ATP8B3: variants seen among roughly 807,000 people sequenced by gnomAD.
ATP8B3 encodes the protein phospholipid-transporting ATPase IK.
A neutral mutation model predicts 140.9 loss-of-function variants in ATP8B3; 141 were observed. The ratio of observed to expected loss-of-function variants is 1.00; its 90% CI spans 0.87 to 1.15. The LOEUF (loss-of-function observed/expected upper bound fraction) is 1.15. ATP8B3 is among the 50% of genes most tolerant of loss of function. The pLI is 0.00. For missense variants in ATP8B3, 1,874 were observed against 1,740.6 expected (o/e 1.08, Z -1.36); for synonymous variants, 765 against 714.6 (o/e 1.07, Z -1.13).
In ATP8B3 at chr19:1,807,632, C is replaced by T. The variant is rs1239417756; in HGVS notation, c.517-366G>A. ...ACCCTGCAGGTGTGAGCTCCACCAT[C>T]CCCTACCCTGGCACCCGGCCAGCGG... On this transcript the variant is annotated intron_variant, in intron 5 of 28. Coordinates refer to ENST00000310127, the MANE Select transcript of ATP8B3 (RefSeq NM_138813.4). This position sits in a 1 kb window ranked among gnomAD's most constrained non-coding sequence, Gnocchi z 5.9. Among the ~76,000 whole-genome samples the T allele has an allele frequency of 6.6e-6, 1 of 152,132 alleles. No homozygotes were observed. The highest frequency in any genetic ancestry group is 1.9e-4 in the East Asian group (1 of 5,200).
In ATP8B3 at chr19:1,800,343, C is replaced by T. The variant is rs765564243; in HGVS notation, c.1259G>A (p.Ser420Asn). The T allele has an allele frequency of 3.7e-5, 60 of 1,612,804 alleles. No individual in the cohort carries two copies. Among genetic ancestry groups the T allele is most frequent in the Non-Finnish European group, 3.6e-5 (42 of 1,179,848 alleles). The stretch of plus-strand genomic sequence containing the variant: ...GAAGAAGGACTCTGCGGCCACGCTG[C>T]TCCCATGCACCCCCGAGAGGTAGTA... ...HHYYLSGVHG[S>N]SVAAESFFVF... The change falls in exon 13 of 29, where the codon AGC (serine) becomes AAC (asparagine). Residue 420 changes from serine (S) to asparagine (N), a missense_variant. Transcript: ENST00000310127. This position sits in a 1 kb window ranked among gnomAD's most constrained non-coding sequence, Gnocchi z 4.4.
At position 1,805,836 on chromosome 19, in the gene ATP8B3, C is replaced by T. The variant is rs1046560948; in HGVS notation, c.821+52G>A. 2.1e-5 allele frequency: 33 copies of T among 1,604,620 alleles called. No homozygotes were observed. The highest frequency in any genetic ancestry group is 1.7e-4 in the Middle Eastern group (1 of 5,946). On this transcript the variant is annotated intron_variant, in intron 9 of 28. Coordinates refer to ENST00000310127, the MANE Select transcript of ATP8B3 (RefSeq NM_138813.4). The surrounding 1 kb of genome is among the most constrained non-coding windows in gnomAD (Gnocchi z 5.2). The stretch of plus-strand genomic sequence containing the variant: ...TGGTGACTGGGGAAGGGGGCTCCTC[C>T]GGGCCATGCTCCCCACCCCCCAGGG...
At chr19:1,802,110 C>T (rs1413849026) in intron 11 of ATP8B3, 66 bp from the exon 12 acceptor site, 3 of 1,135,608 alleles carry the variant, frequency 2.6e-6, no homozygotes, top group Non-Finnish European at 3.6e-6. Context: ...ACCCATCACT[C>T]ACCCATCCAC....
chr19:1,784,311 T>C (rs907747396), intron 28 of ATP8B3, among the ~76,000 whole-genome samples: 3 of 152,020 alleles, frequency 2.0e-5, no homozygotes. Context: ...GCCCAGGAGT[T>C]TGAACCAGCC....
At chr19:1,793,892 A>G (rs1009012154) in intron 18 of ATP8B3, among the ~76,000 whole-genome samples, 6 of 151,326 alleles carry the variant, frequency 4.0e-5, no homozygotes, top group East Asian at 3.9e-4. Context: ...ACAGGCCTGC[A>G]CCACCACATC....
intron 28 of ATP8B3, among the ~76,000 whole-genome samples, chr19:1,784,062 A>G (rs1000761433): frequency 6.6e-6 from 1 of 152,098 alleles, no homozygotes; most frequent in East Asian, 1.9e-4. Flanking sequence ...ACTCCTTCTC[A>G]CGGCTCAGGC....
In ATP8B3 at chr19:1,796,097, C is replaced by A; in HGVS notation, c.1922G>T (p.Arg641Leu). ...VLAIMDFNST[R>L]KRMSVLVRKP... ...CTCACCCAGCACCGACATCCGTTTGCGCGTGCTGTTGAAGTCCATTATGGC... is the reference window on the plus strand; with the variant it reads ...CTCACCCAGCACCGACATCCGTTTGAGCGTGCTGTTGAAGTCCATTATGGC... Residue 641 changes from arginine to leucine, a missense_variant, in exon 17 of 29, where the codon CGC (arginine) becomes CTC (leucine). Physicochemically the swap from Arg to Leu is moderately radical, Grantham distance 102. Coordinates refer to ENST00000310127, the MANE Select transcript of ATP8B3 (RefSeq NM_138813.4). The A allele has an allele frequency of 1.2e-6, 2 of 1,612,952 alleles. No individual in the cohort carries two copies. The highest frequency in any genetic ancestry group is 1.7e-6 in the Non-Finnish European group (2 of 1,179,812).
chr19:1,785,029 T>C, intron 27 of ATP8B3, 83 bp from the exon 28 acceptor site: 1 of 1,521,776 alleles, frequency 6.6e-7, no homozygotes, highest in African/African-American at 1.4e-5. Flanking sequence ...GGTGCCTTTG[T>C]GCCTGGTCCA....
rs2068809634 is a variant in ATP8B3 at position 1,800,409 on chromosome 19, A to G, written c.1193T>C (p.Phe398Ser). Reference sequence around the variant, plus strand: ...TTCTTTGACTGAGAAACCGAAGCCGAAGGCCAACACCAGGCAGACAAGCAC... The same window carrying G: ...TTCTTTGACTGAGAAACCGAAGCCGGAGGCCAACACCAGGCAGACAAGCAC... ...SVVLVCLVLAFGFGFSVKEFK... is the reference protein window; with the variant it reads ...SVVLVCLVLASGFGFSVKEFK... The change falls in exon 13 of 29, where the codon TTC (phenylalanine) becomes TCC (serine). Residue 398 changes from phenylalanine to serine, a missense_variant. Around this residue, in one of 3 missense-constraint regions of ATP8B3, gnomAD observed 1,032 missense variants for 963.6 expected, o/e 1.07. Coordinates refer to ENST00000310127, the MANE Select transcript of ATP8B3 (RefSeq NM_138813.4). This position sits in a 1 kb window ranked among gnomAD's most constrained non-coding sequence, Gnocchi z 4.4. 3.7e-6 allele frequency: 6 copies of G among 1,612,546 alleles called. No individual in the cohort carries two copies. The East Asian group carries it at 1.3e-4, about 36-fold the overall frequency.
chr19:1,812,066 A>C, intron 1 of ATP8B3, 120 bp downstream of exon 1: 3 of 268,192 alleles, frequency 1.1e-5, no homozygotes, highest in East Asian at 6.9e-5. Flanking sequence ...GACCGCGCGA[A>C]CCTCTAGGGG....
chr19:1,810,240 G>A (rs764201019), intron 3 of ATP8B3, among the ~76,000 whole-genome samples: 29 of 152,162 alleles, frequency 1.9e-4, no homozygotes, highest in Admixed American at 6.5e-4. Flanking sequence ...GCCCCAGCCC[G>A]TCTCAGCCTC....
chr19:1,782,486 T>C lies in ATP8B3; in HGVS notation c.*542A>G, dbSNP rs62127663. On this transcript the variant is annotated 3_prime_UTR_variant, in exon 29 of 29. Transcript: ENST00000310127. ...TTCTTCCAGACTTGGTGGCAGAGTC[T>C]CCACCTGAGATTTGTGGGTCTTGTC... The C allele has an allele frequency of 6.9e-4, 140 of 203,568 alleles. No individual in the cohort carries two copies. Among genetic ancestry groups the C allele is most frequent in the Non-Finnish European group, 1.1e-3 (117 of 102,472 alleles). The allele number at this position is 203,568 out of a possible 1,614,324, so 12.6% of individuals were successfully genotyped here. A position where few individuals can be genotyped will look rare whatever the true frequency, so the allele number is the denominator to read the frequency against.
intron 18 of ATP8B3, among the ~76,000 whole-genome samples, chr19:1,795,441 C>T (rs1244597327): frequency 6.6e-6 from 1 of 152,014 alleles, no homozygotes; most frequent in African/African-American, 2.4e-5. Context: ...ATTCCAGCTC[C>T]TCGGGAGGCT....
At chr19:1,808,430 C>T (rs1163784382) in intron 4 of ATP8B3, 95 bp from the exon 5 acceptor site, 3 of 825,366 alleles carry the variant, frequency 3.6e-6, no homozygotes, top group Admixed American at 4.1e-5. Context: ...TTGGCCTCGC[C>T]CAGCATCCTC....
At position 1,796,790 on chromosome 19, in the gene ATP8B3, G is replaced by T. The variant is rs371568261; in HGVS notation, c.1674C>A (p.Asp558Glu). The part of the protein sequence containing the change: ...ALLHLVRTNG[D>E]EAVREFWRLL... ...GGCGCCAGAACTCCCGCACGGCCTC[G>T]TCCCCGTTGGTCCGCACGAGGTGCA... The change falls in exon 16 of 29, where the codon GAC (aspartate) becomes GAA (glutamate). Residue 558 changes from aspartate to glutamate, a missense_variant. Physicochemically the swap from Asp to Glu is conservative, Grantham distance 45. Coordinates refer to ENST00000310127, the MANE Select transcript of ATP8B3 (RefSeq NM_138813.4). 1 of 1,612,472 alleles carries T rather than the reference G, an allele frequency of 6.2e-7. No individual in the cohort carries two copies. Among genetic ancestry groups the T allele is most frequent in the South Asian group, 1.1e-5 (1 of 91,072 alleles).
At position 1,782,777 on chromosome 19, in the gene ATP8B3, G is replaced by A. The variant is rs578154221; in HGVS notation, c.*251C>T. The A allele has an allele frequency of 7.7e-6, 4 of 519,380 alleles. No homozygotes were observed. Among genetic ancestry groups the A allele is most frequent in the Non-Finnish European group, 1.4e-5 (4 of 288,904 alleles). 32.2% of individuals were successfully genotyped at this position (519,380 alleles called of 1,614,324 possible). A position where few individuals can be genotyped will look rare whatever the true frequency, so the allele number is the denominator to read the frequency against. On this transcript the variant is annotated 3_prime_UTR_variant, in exon 29 of 29. Coordinates refer to ENST00000310127, the MANE Select transcript of ATP8B3 (RefSeq NM_138813.4). ...GGTCAACAGCAACTTCTCAGGAGAA[G>A]GTGGCCTCTGCTTGGGTGACAATGA...
rs766973681 is a variant in ATP8B3 at position 1,796,722 on chromosome 19, C to T, written c.1742G>A (p.Arg581His). ...GTGGGTGGGCGCACCTGGGCGCTCA[C>T]GGGGGCTCTCCCGCACCATCACCGT... ...CHTVMVRESP[R>H]ERPDQLLYQA... The change falls in exon 16 of 29, where the codon CGT becomes CAT. Residue 581 changes from arginine to histidine, a missense_variant. Coordinates refer to ENST00000310127, the MANE Select transcript of ATP8B3 (RefSeq NM_138813.4). The T allele has an allele frequency of 8.1e-6, 13 of 1,610,308 alleles. No homozygotes were observed. Among genetic ancestry groups the T allele is most frequent in the African/African-American group, 1.3e-5 (1 of 74,906 alleles).
chr19:1,808,355 C>A lies in ATP8B3; in HGVS notation c.403-20G>T, dbSNP rs1279590487. ...ATTGGTCTGGAACGAGAGCCGCGGG[C>A]TGCCTGGCAGAGGGGTGCCATCCAG... is the stretch of plus-strand genomic sequence containing the variant. On this transcript the variant is annotated intron_variant, in intron 4 of 28. Coordinates refer to ENST00000310127, the MANE Select transcript of ATP8B3 (RefSeq NM_138813.4). The A allele has an allele frequency of 6.3e-7, 1 of 1,592,906 alleles. No individual in the cohort carries two copies. The highest frequency in any genetic ancestry group is 1.1e-5 in the South Asian group (1 of 89,552).
At chr19:1,787,469 C>A (rs746769382) in intron 24 of ATP8B3, among the ~76,000 whole-genome samples, 19 of 152,068 alleles carry the variant, frequency 1.2e-4, no homozygotes, top group Non-Finnish European at 2.1e-4. Context: ...TGGCTCACGC[C>A]TATAATCTCA....
Sources: gnomAD v4.1 joint callset for allele counts (sites outside exome capture counted in the v4.1 genomes callset) on GRCh38, gnomAD v4.1.1 for gene constraint, gnomAD v4.1.1 regional missense constraint, Gnocchi (gnomAD v3.1) non-coding constraint, MANE v1.5 for transcripts, NCBI Gene and HGNC (gene_info 2026-07-23, HGNC 2026-07-21) for gene names.